ACTN1: variants seen among roughly 807,000 people sequenced by gnomAD.
ACTN1 encodes the protein alpha-actinin-1.
In ACTN1, 30 loss-of-function variants were observed where a neutral mutation model predicts 119.6. That is an observed-to-expected ratio of 0.25 (90% CI 0.19 to 0.34). The LOEUF (loss-of-function observed/expected upper bound fraction) is 0.34. ACTN1 is among the 10% of genes least tolerant of loss of function. The pLI is 1.00. For synonymous variants in ACTN1, 429 were observed against 472.6 expected (o/e 0.91, Z 1.20); for missense variants, 764 against 1,223.4 (o/e 0.62, Z 5.60).
At chr14:68,913,165 T>A (rs2034101714) in intron 3 of ACTN1, among the ~76,000 whole-genome samples, 1 of 152,266 alleles carries the variant, frequency 6.6e-6, no homozygotes, top group Admixed American at 6.5e-5. Context: ...ACAAGTTCTA[T>A]GAAGTAGATT....
intron 9 of ACTN1, among the ~76,000 whole-genome samples, chr14:68,893,155 C>G (rs2032626080): frequency 6.6e-6 from 1 of 152,078 alleles, no homozygotes; most frequent in South Asian, 2.1e-4. Context: ...GAGGCTTAAC[C>G]TAAATGTAGC....
intron 21 of ACTN1, 46 bp from the exon 22 acceptor site, chr14:68,875,063 T>G (rs758624466): frequency 6.2e-7 from 1 of 1,606,064 alleles, no homozygotes. Context: ...CCAGCAGCCG[T>G]AAAGCGGCGC....
intron 1 of ACTN1, among the ~76,000 whole-genome samples, chr14:68,961,121 ACC>A (rs2036523826): frequency 6.6e-6 from 1 of 152,172 alleles, no homozygotes; most frequent in South Asian, 2.1e-4. Context: ...TAATATATCC[ACC>A]TCAAATGCTT....
intron 6 of ACTN1, among the ~76,000 whole-genome samples, chr14:68,905,411 AACATGGTATT>A (rs2033606583): frequency 6.6e-6 from 1 of 152,204 alleles, no homozygotes; most frequent in Non-Finnish European, 1.5e-5. Context: ...CAAAAAATTC[AACATGGTATT>A]ACATGGTCCT....
At chr14:68,960,365 A>G (rs942595226) in intron 1 of ACTN1, among the ~76,000 whole-genome samples, 2 of 152,262 alleles carry the variant, frequency 1.3e-5, no homozygotes, top group Non-Finnish European at 2.9e-5. Flanking sequence ...ACATACATAC[A>G]AACAATGACA....
At chr14:68,921,248 CGTGT>C (rs2034629476) in intron 2 of ACTN1, 123 bp from the exon 3 acceptor site, 4 of 1,285,826 alleles carry the variant, frequency 3.1e-6, no homozygotes, top group South Asian at 3.0e-5. Flanking sequence ...CATGTGTGCA[CGTGT>C]GTGTGTGCTC....
In ACTN1 at chr14:68,885,330, C is replaced by G; in HGVS notation, c.1385+95G>C. On this transcript the variant is annotated intron_variant, in intron 12 of 21. Coordinates refer to ENST00000394419, the MANE Select transcript of ACTN1 (RefSeq NM_001130004.2). The surrounding 1 kb of genome is among the most constrained non-coding windows in gnomAD (Gnocchi z 5.6). ...GGGCACCCACCTGTACCCACCCTCC[C>G]CATCTTCCACGGCCACACCCCCACC... The G allele has an allele frequency of 2.8e-6, 4 of 1,440,506 alleles. No homozygotes were observed. Among genetic ancestry groups the G allele is most frequent in the Non-Finnish European group, 3.7e-6 (4 of 1,084,766 alleles). 89.2% of individuals were successfully genotyped at this position (1,440,506 alleles called of 1,614,324 possible).
At chr14:68,955,280 T>G (rs1026450083) in intron 1 of ACTN1, among the ~76,000 whole-genome samples, 23 of 152,198 alleles carry the variant, frequency 1.5e-4, no homozygotes, top group African/African-American at 5.5e-4. Flanking sequence ...TCCCATTGCC[T>G]GGGAATGTCT....
At chr14:68,884,648 C>T in intron 13 of ACTN1, 127 bp downstream of exon 13, 1 of 822,568 alleles carries the variant, frequency 1.2e-6, no homozygotes, top group East Asian at 2.5e-5. Context: ...CACATTTAGG[C>T]CAGGGTTGGG....
chr14:68,935,134 T>A (rs548481382), intron 1 of ACTN1, among the ~76,000 whole-genome samples: 1 of 152,234 alleles, frequency 6.6e-6, no homozygotes, highest in African/African-American at 2.4e-5. Flanking sequence ...GCTATTCTCC[T>A]GCCTTACCCT....
intron 1 of ACTN1, among the ~76,000 whole-genome samples, chr14:68,947,034 G>T (rs1183308416): frequency 2.0e-5 from 3 of 152,210 alleles, no homozygotes; most frequent in Non-Finnish European, 4.4e-5. Context: ...CGTGAAGATG[G>T]AATGACACAG....
chr14:68,900,467 G>A (rs995142568), intron 8 of ACTN1, among the ~76,000 whole-genome samples: 24 of 151,758 alleles, frequency 1.6e-4, no homozygotes, highest in Admixed American at 1.5e-3. Flanking sequence ...ATTTGCGAGG[G>A]TGGCCTTGCT....
At chr14:68,908,182 T>C (rs2033783773) in intron 6 of ACTN1, among the ~76,000 whole-genome samples, 2 of 128,174 alleles carry the variant, frequency 1.6e-5, no homozygotes, top group Non-Finnish European at 3.3e-5. Flanking sequence ...GGGCAGTGTG[T>C]ATGGGGTGGG....
chr14:68,883,243 A>G (rs2031720774), intron 14 of ACTN1, 188 bp from the exon 15 acceptor site: 1 of 627,116 alleles, frequency 1.6e-6, no homozygotes, highest in Admixed American at 2.9e-5. Context: ...ATCAAAAGCA[A>G]CAGCTTCATC....
At chr14:68,912,470 C>T (rs987306840) in intron 3 of ACTN1, among the ~76,000 whole-genome samples, 1 of 152,178 alleles carries the variant, frequency 6.6e-6, no homozygotes, top group African/African-American at 2.4e-5. Flanking sequence ...CCTCCAAATC[C>T]TGGGCTCAAG....
At position 68,909,695 on chromosome 14, in the gene ACTN1, G is replaced by C. The variant is rs192171586; in HGVS notation, c.515+260C>G. Among the ~76,000 whole-genome samples the C allele has an allele frequency of 5.3e-5, 8 of 152,246 alleles. No individual in the cohort carries two copies. In the East Asian group the frequency reaches 1.5e-3, roughly 29 times the overall value. The stretch of plus-strand genomic sequence containing the variant: ...CAGAGCCCTGGGCTGGGACTTCCTG[G>C]ACAATTTCCTTGGGGGCGCTCCCAG... On this transcript the variant is annotated intron_variant, in intron 5 of 21. Transcript: ENST00000394419. This position sits in a 1 kb window ranked among gnomAD's most constrained non-coding sequence, Gnocchi z 4.1.
At chr14:68,893,965 T>A (rs1462595863) in intron 8 of ACTN1, among the ~76,000 whole-genome samples, 4 of 152,108 alleles carry the variant, frequency 2.6e-5, no homozygotes, top group Admixed American at 2.0e-4. Flanking sequence ...ACAGAGGTCT[T>A]GGTGGCTGAA....
chr14:68,878,948 A>T lies in ACTN1; in HGVS notation c.2361+41T>A. The T allele has an allele frequency of 1.2e-6, 2 of 1,612,738 alleles. No homozygotes were observed. The highest frequency in any genetic ancestry group is 1.7e-6 in the Non-Finnish European group (2 of 1,179,688). The stretch of plus-strand genomic sequence containing the variant: ...GGAAAAACGCATTATTTCTTGCCCC[A>T]GACGCCACCCCTGAGCGTGCTCCAT... On this transcript the variant is annotated intron_variant, in intron 19 of 21. Transcript: ENST00000394419. The surrounding 1 kb of genome is among the most constrained non-coding windows in gnomAD (Gnocchi z 4.4).
At position 68,878,842 on chromosome 14, in the gene ACTN1, G is replaced by A. The variant is rs2031197279; in HGVS notation, c.2361+147C>T. 2 of 1,595,332 alleles carry A rather than the reference G, an allele frequency of 1.3e-6. No homozygotes were observed. The highest frequency in any genetic ancestry group is 8.5e-7 in the Non-Finnish European group (1 of 1,177,930). ...GGGCAGAGGGTGGACCAGTGATGGG[G>A]CAGACAGAGACAGCAGGAGAGGACG... On this transcript the variant is annotated intron_variant, in intron 19 of 21. Coordinates refer to ENST00000394419, the MANE Select transcript of ACTN1 (RefSeq NM_001130004.2). The surrounding 1 kb of genome is among the most constrained non-coding windows in gnomAD (Gnocchi z 4.4).
Sources: gnomAD v4.1 joint callset for allele counts (sites outside exome capture counted in the v4.1 genomes callset) on GRCh38, gnomAD v4.1.1 for gene constraint, Gnocchi (gnomAD v3.1) non-coding constraint, MANE v1.5 for transcripts, NCBI Gene and HGNC (gene_info 2026-07-23, HGNC 2026-07-21) for gene names.